Variants in AKT3 observed in about 807,000 individuals in gnomAD.
The protein encoded by AKT3 is AKT serine/threonine kinase 3.
Under a neutral mutation model 65.3 loss-of-function variants are expected in AKT3, and 15 were observed. That is an observed-to-expected ratio of 0.23 (90% confidence interval 0.15 to 0.35). AKT3 has a LOEUF of 0.35. Among genes scored for constraint, AKT3 ranks in the 10% least tolerant of loss-of-function variants. The probability of loss-of-function intolerance (pLI) is 1.00; values close to 1 mark genes in which losing one functional copy is unlikely to be tolerated. For missense variants in AKT3, 243 were observed against 576.5 expected (o/e 0.42, Z 5.92); for synonymous variants, 206 against 183.8 (o/e 1.12, Z -0.98).
chr1:243,548,235 A>C (rs1423789085), intron 11 of AKT3: 1 of 152,212 alleles, frequency 6.6e-6, no homozygotes, highest in African/African-American at 2.4e-5. Flanking sequence ...CTTATGTTGT[A>C]GTTTATTTCA....
intron 2 of AKT3, among the ~76,000 whole-genome samples, chr1:243,808,737 C>T (rs1309989439): frequency 1.3e-5 from 2 of 152,040 alleles, no homozygotes; most frequent in East Asian, 3.9e-4. Context: ...GTCAGATTCG[C>T]CAAAGTTGAA....
intron 12 of AKT3, among the ~76,000 whole-genome samples, chr1:243,529,972 C>T (rs887140971): frequency 7.2e-5 from 11 of 152,172 alleles, no homozygotes; most frequent in African/African-American, 2.7e-4. Context: ...TCTCTGATTT[C>T]TCTGACCAGT....
At chr1:243,660,978 T>C (rs1682269901) in intron 4 of AKT3, among the ~76,000 whole-genome samples, 1 of 152,056 alleles carries the variant, frequency 6.6e-6, no homozygotes. Flanking sequence ...GAGAATAAAA[T>C]ACCTAGGAAT....
chr1:243,566,228 T>C (rs1217694363), intron 9 of AKT3, among the ~76,000 whole-genome samples: 3 of 152,174 alleles, frequency 2.0e-5, no homozygotes, highest in Admixed American at 1.3e-4. Flanking sequence ...CTGACTTGCA[T>C]CTAATTCTGT....
At chr1:243,607,752 C>T (rs1677536623) in intron 8 of AKT3, among the ~76,000 whole-genome samples, 1 of 152,158 alleles carries the variant, frequency 6.6e-6, no homozygotes, top group African/African-American at 2.4e-5. Context: ...TGTGTCCCCA[C>T]CCAAATCTCA....
intron 5 of AKT3, among the ~76,000 whole-genome samples, chr1:243,639,089 CTA>C (rs1680187671): frequency 6.6e-6 from 1 of 152,060 alleles, no homozygotes; most frequent in South Asian, 2.1e-4. Flanking sequence ...ACGTAAGAGA[CTA>C]TTATAAATGG....
chr1:243,747,078 G>A (rs1688513335), intron 2 of AKT3, among the ~76,000 whole-genome samples: 1 of 152,164 alleles, frequency 6.6e-6, no homozygotes, highest in African/African-American at 2.4e-5. Context: ...ACATGCCCAG[G>A]AAGCTATTTC....
Position 243,695,808 on chromosome 1 carries a change from A to G in AKT3, c.47-92T>C. The G allele has an allele frequency of 2.7e-6, 3 of 1,130,950 alleles. 1 individual carries two copies. The highest frequency in any genetic ancestry group is 3.4e-6 in the Non-Finnish European group (3 of 880,648). 70.1% of individuals were successfully genotyped at this position (1,130,950 alleles called of 1,614,324 possible). A position where few individuals can be genotyped will look rare whatever the true frequency, so the allele number is the denominator to read the frequency against. ...ATTATGGTACAATATATGTCCTACA[A>G]CACTGGCCTCCAAAAATTTAGTTAC... On this transcript the variant is annotated intron_variant, in intron 2 of 13. Transcript: ENST00000673466.
At chr1:243,649,516 A>G (rs996672507) in intron 4 of AKT3, among the ~76,000 whole-genome samples, 1 of 151,822 alleles carries the variant, frequency 6.6e-6, no homozygotes, top group Non-Finnish European at 1.5e-5. Context: ...GTGCCCATCA[A>G]TCCGTCACCT....
At chr1:243,764,221 A>G (rs562419890) in intron 2 of AKT3, among the ~76,000 whole-genome samples, 2 of 152,266 alleles carry the variant, frequency 1.3e-5, no homozygotes, top group African/African-American at 4.8e-5. Context: ...AATAACAGAT[A>G]TAAAAATAAT....
intron 2 of AKT3, among the ~76,000 whole-genome samples, chr1:243,727,773 G>GA (rs944093139): frequency 8.0e-5 from 12 of 150,834 alleles, no homozygotes; most frequent in African/African-American, 2.9e-4. Flanking sequence ...TTCTAGCAAA[G>GA]AAAAAAAGAG....
At chr1:243,770,480 A>G (rs1197745490) in intron 2 of AKT3, among the ~76,000 whole-genome samples, 1 of 152,076 alleles carries the variant, frequency 6.6e-6, no homozygotes, top group Admixed American at 6.6e-5. Flanking sequence ...AAGTAAAACT[A>G]ATTGCTTTAA....
At chr1:243,589,529 A>C (rs916551955) in intron 8 of AKT3, among the ~76,000 whole-genome samples, 6 of 152,110 alleles carry the variant, frequency 3.9e-5, no homozygotes, top group African/African-American at 9.7e-5. Flanking sequence ...AAAAGATGAG[A>C]TAGCAAGTGC....
chr1:243,608,743 C>CTTTTTTTTT lies in AKT3; in HGVS notation c.696+4919_696+4927dup, dbSNP rs566574203. Among the ~76,000 whole-genome samples, 20 of 70,796 alleles carry CTTTTTTTTT rather than the reference C, an allele frequency of 2.8e-4. 2 individuals carry two copies. The highest frequency in any genetic ancestry group is 4.8e-4 in the East Asian group (1 of 2,100). 46.4% of individuals were successfully genotyped at this position (70,796 alleles called of 152,430 possible). The stretch of plus-strand genomic sequence containing the variant: ...TTTTCTACAGTAATTAAGTTTTTTG[C>CTTTTTTTTT]TTTTTTTTTTTTTTTTTTTTTTTTT... On this transcript the variant is annotated intron_variant, in intron 8 of 13. Transcript: ENST00000673466.
chr1:243,514,642 A>G (rs1670231042), intron 12 of AKT3, among the ~76,000 whole-genome samples: 1 of 152,198 alleles, frequency 6.6e-6, no homozygotes, highest in Admixed American at 6.5e-5. Context: ...CGTAATTAAC[A>G]TACACTAAAC....
At chr1:243,608,982 G>T in intron 8 of AKT3, among the ~76,000 whole-genome samples, 1 of 151,688 alleles carries the variant, frequency 6.6e-6, no homozygotes, top group East Asian at 1.9e-4. Context: ...TCGAACTCCT[G>T]ACCTCGTGAT....
intron 8 of AKT3, among the ~76,000 whole-genome samples, chr1:243,599,541 A>G (rs1379613921): frequency 6.6e-6 from 1 of 152,160 alleles, no homozygotes; most frequent in African/African-American, 2.4e-5. Flanking sequence ...GTAAAGTGAC[A>G]CAGCATATTG....
chr1:243,544,245 GAAAAA>G (rs377475491), intron 12 of AKT3, among the ~76,000 whole-genome samples: 3 of 73,234 alleles, frequency 4.1e-5, no homozygotes, highest in African/African-American at 1.5e-4. Context: ...GGTAGTGGGG[GAAAAA>G]AAAAAAAAAA....
At chr1:243,497,185 T>G (rs1265451104), downstream of AKT3, among the ~76,000 whole-genome samples, 3 of 152,148 alleles carry the variant, frequency 2.0e-5, no homozygotes, top group Admixed American at 6.5e-5. Flanking sequence ...ATGTGGGCAG[T>G]AACTAAGGCT....
Sources: allele counts gnomAD v4.1 joint callset (sites outside exome capture counted in the v4.1 genomes callset), GRCh38; gene constraint gnomAD v4.1.1; transcripts MANE v1.5; gene names NCBI Gene and HGNC (gene_info 2026-07-23, HGNC 2026-07-21).